PAPOLG: variants seen among roughly 807,000 people sequenced by gnomAD.
PAPOLG encodes the protein poly(A) polymerase gamma.
Under a neutral mutation model 99.0 loss-of-function variants are expected in PAPOLG, and 40 were observed. The observed-to-expected ratio is 0.40, with a 90% CI of 0.31 to 0.53. The LOEUF (loss-of-function observed/expected upper bound fraction) is 0.53, where lower values mean the gene tolerates loss of function less well. Among genes scored for constraint, PAPOLG ranks in the 20% least tolerant of loss-of-function variants. The pLI, the probability that PAPOLG is intolerant of heterozygous loss-of-function variation, is 0.41. For synonymous variants in PAPOLG, 310 were observed against 299.3 expected, an observed-to-expected ratio of 1.04 and a Z score of -0.37; for missense variants, 675 against 884.1, an observed-to-expected ratio of 0.76 and a Z score of 3.00.
At chr2:60,790,244 T>C (rs1169723462) in intron 15 of PAPOLG, among the ~76,000 whole-genome samples, 1 of 152,232 alleles carries the variant, frequency 6.6e-6, no homozygotes, top group Middle Eastern at 3.2e-3. Context: ...TCGCCATAAA[T>C]TTTTCCATTC....
At chr2:60,788,909 G>T (rs925866587) in intron 15 of PAPOLG, among the ~76,000 whole-genome samples, 7 of 152,050 alleles carry the variant, frequency 4.6e-5, no homozygotes, top group Admixed American at 2.0e-4. Context: ...TGGGAGAATT[G>T]CTTGAACCCA....
chr2:60,794,248 AAAG>A (rs1260433806), intron 19 of PAPOLG, 57 bp downstream of exon 19: 3 of 1,488,570 alleles, frequency 2.0e-6, no homozygotes, highest in Admixed American at 4.3e-5. Context: ...AGTTAATACT[AAAG>A]AAACAATTTT....
intron 13 of PAPOLG, among the ~76,000 whole-genome samples, chr2:60,786,133 G>A (rs531162050): frequency 1.3e-5 from 2 of 152,178 alleles, no homozygotes; most frequent in East Asian, 3.9e-4. Flanking sequence ...TGGTTTACTT[G>A]AGTGTAGCTT....
chr2:60,776,725 G>T (rs1261727859), intron 8 of PAPOLG, among the ~76,000 whole-genome samples: 1 of 152,080 alleles, frequency 6.6e-6, no homozygotes, highest in African/African-American at 2.4e-5. Flanking sequence ...ACCATGCCCG[G>T]CCAGCTTCAA....
chr2:60,756,617 C>T lies in PAPOLG; in HGVS notation c.17+122C>T, dbSNP rs538049090. 7,270 of 1,124,182 alleles carry T rather than the reference C, an allele frequency of 6.5e-3. 43 individuals carry two copies. Among genetic ancestry groups the T allele is most frequent in the Middle Eastern group, 8.9e-3 (29 of 3,260 alleles). The allele number at this position is 1,124,182 out of a possible 1,614,324, so 69.6% of individuals were successfully genotyped here. On this transcript the variant is annotated intron_variant, in intron 1 of 21. Coordinates refer to ENST00000238714, the MANE Select transcript of PAPOLG (RefSeq NM_022894.4). ...TGCACGCAGCTCGCCGGGATGGTCT[C>T]CTTCCCGGCTCCCGGCCGGTCCGCA...
At chr2:60,794,871 T>C in intron 20 of PAPOLG, 93 bp from the exon 21 acceptor site, 1 of 1,565,356 alleles carries the variant, frequency 6.4e-7, no homozygotes, top group Non-Finnish European at 8.8e-7. Context: ...TTAGATTTAT[T>C]TTCAGGTTTT....
intron 14 of PAPOLG, 143 bp from the exon 15 acceptor site, chr2:60,787,368 C>G (rs868272757): frequency 3.7e-6 from 4 of 1,093,066 alleles, no homozygotes; most frequent in Non-Finnish European, 3.8e-6. Context: ...TTCTGGATGT[C>G]ACTTTTAAGA....
intron 8 of PAPOLG, among the ~76,000 whole-genome samples, chr2:60,778,597 C>T (rs1045756014): frequency 3.9e-5 from 6 of 152,012 alleles, no homozygotes; most frequent in Admixed American, 6.6e-5. Context: ...TTTAAATGGA[C>T]GAATCTTATG....
Position 60,794,778 on chromosome 2 carries a change from A to C in PAPOLG, c.2055+3A>C. The C allele has an allele frequency of 6.3e-7, 1 of 1,595,948 alleles. No homozygotes were observed. The highest frequency in any genetic ancestry group is 2.2e-5 in the East Asian group (1 of 44,712). On this transcript the variant is annotated splice_donor_region_variant and intron_variant, in intron 20 of 21. Transcript: ENST00000238714. ...AAGAAAGAAAAAGAAAATCAGTGGT[A>C]AATATATTAATAGTGTGCTTCAGAA...
At chr2:60,783,073 G>A (rs1671241049) in intron 12 of PAPOLG, 83 bp from the exon 13 acceptor site, 1 of 1,252,482 alleles carries the variant, frequency 8.0e-7, no homozygotes, top group Non-Finnish European at 1.1e-6. Flanking sequence ...CAGTGAGAGG[G>A]AGGGAAAAAA....
Position 60,793,978 on chromosome 2 carries a change from C to T in PAPOLG, c.1776C>T (p.Asp592=), listed in dbSNP as rs1334623616. ...LSIPVIGAKV[D]STVKTVSPPT... ...CCTTTTTTTCCTTTTCAGAAGTTGA[C>T]TCTACAGTAAAAACTGTATCACCCC... The change falls in exon 19 of 22, where the codon GAC becomes GAT. Residue 592 remains aspartate (D), a synonymous_variant. Coordinates refer to ENST00000238714, the MANE Select transcript of PAPOLG (RefSeq NM_022894.4). The T allele has an allele frequency of 4.4e-6, 7 of 1,605,586 alleles. No homozygotes were observed. Among genetic ancestry groups the T allele is most frequent in the Non-Finnish European group, 6.0e-6 (7 of 1,174,896 alleles).
At chr2:60,779,809 T>A (rs762114809) in intron 9 of PAPOLG, 34 bp downstream of exon 9, 2 of 1,564,404 alleles carry the variant, frequency 1.3e-6, no homozygotes, top group South Asian at 2.3e-5. Context: ...GACTGTTTAC[T>A]AATCTCTACC....
chr2:60,795,708 T>C (rs1671675816), intron 21 of PAPOLG, among the ~76,000 whole-genome samples: 1 of 151,670 alleles, frequency 6.6e-6, no homozygotes, highest in Non-Finnish European at 1.5e-5. Flanking sequence ...TAAAACAGAA[T>C]GGCCATTAAA....
At chr2:60,760,458 AGAG>A (rs1670491250) in intron 2 of PAPOLG, among the ~76,000 whole-genome samples, 163 bp downstream of exon 2, 1 of 152,228 alleles carries the variant, frequency 6.6e-6, no homozygotes, top group Non-Finnish European at 1.5e-5. Context: ...GGTTAGAAGA[AGAG>A]ATTTGTCATC....
intron 15 of PAPOLG, among the ~76,000 whole-genome samples, chr2:60,789,254 C>A (rs912932810): frequency 4.0e-5 from 6 of 151,556 alleles, no homozygotes; most frequent in African/African-American, 1.5e-4. Context: ...GTGCAGCACA[C>A]CAGCATGGCA....
chr2:60,786,943 T>G lies in PAPOLG; in HGVS notation c.1167-4T>G, dbSNP rs1187971070. 1 of 1,602,770 alleles carries G rather than the reference T, an allele frequency of 6.2e-7. No individual in the cohort carries two copies. The highest frequency in any genetic ancestry group is 2.2e-5 in the East Asian group (1 of 44,784). ...AGATAAATTGTGTTTGTTGTTTATT[T>G]TAGGGTTGGATTAGTAGAATCTAAA... On this transcript the variant is annotated splice_region_variant and splice_polypyrimidine_tract_variant and intron_variant, in intron 13 of 21. Coordinates refer to ENST00000238714, the MANE Select transcript of PAPOLG (RefSeq NM_022894.4).
At chr2:60,769,025 G>C in intron 5 of PAPOLG, 135 bp downstream of exon 5, 1 of 683,316 alleles carries the variant, frequency 1.5e-6, no homozygotes, top group Non-Finnish European at 2.4e-6. Flanking sequence ...TTTAATAAGT[G>C]ATGATTAAAT....
intron 15 of PAPOLG, among the ~76,000 whole-genome samples, chr2:60,789,600 G>T (rs1486600060): frequency 6.6e-6 from 1 of 152,080 alleles, no homozygotes; most frequent in Non-Finnish European, 1.5e-5. Flanking sequence ...TATATTTCAG[G>T]ATCAGTGAAA....
chr2:60,767,035 G>A (rs951281236), intron 3 of PAPOLG, among the ~76,000 whole-genome samples: 2 of 152,142 alleles, frequency 1.3e-5, no homozygotes, highest in Admixed American at 1.3e-4. Flanking sequence ...ATTAATTAGG[G>A]GTAGTTTAGG....
Sources: gnomAD v4.1 joint callset for allele counts (sites outside exome capture counted in the v4.1 genomes callset) on GRCh38, gnomAD v4.1.1 for gene constraint, MANE v1.5 for transcripts, NCBI Gene and HGNC (gene_info 2026-07-23, HGNC 2026-07-21) for gene names.